CCNY: variants seen among roughly 807,000 people sequenced by gnomAD.
CCNY encodes the protein cyclin Y.
A neutral mutation model predicts 42.8 loss-of-function variants in CCNY; 19 were observed. The observed-to-expected ratio is 0.44, with a 90% confidence interval of 0.31 to 0.65. The LOEUF is 0.65. Among genes scored for constraint, CCNY ranks in the 30% least tolerant of loss-of-function variants. The pLI is 0.07. For synonymous variants in CCNY, 165 were observed against 162.7 expected, an observed-to-expected ratio of 1.01 and a Z score of -0.11; for missense variants, 370 against 437.3, an observed-to-expected ratio of 0.85 and a Z score of 1.37.
At chr10:35,402,486 G>A (rs1837665051) in intron 1 of CCNY, among the ~76,000 whole-genome samples, 1 of 152,088 alleles carries the variant, frequency 6.6e-6, no homozygotes, top group African/African-American at 2.4e-5. Context: ...GATTGATTTA[G>A]GTAAAAACAA....
intron 3 of CCNY, among the ~76,000 whole-genome samples, chr10:35,268,174 C>A (rs1039050071): frequency 1.3e-5 from 2 of 152,068 alleles, no homozygotes; most frequent in Non-Finnish European, 2.9e-5. Flanking sequence ...GGATTACAGG[C>A]GTGAGCCACT....
At chr10:35,273,646 G>T (rs1835200729) in intron 3 of CCNY, among the ~76,000 whole-genome samples, 1 of 152,124 alleles carries the variant, frequency 6.6e-6, no homozygotes, top group African/African-American at 2.4e-5. Flanking sequence ...GCCAATGCAG[G>T]TCATGATAAG....
chr10:35,406,822 C>T (rs892020423), intron 1 of CCNY, among the ~76,000 whole-genome samples: 3 of 152,028 alleles, frequency 2.0e-5, no homozygotes, highest in Non-Finnish European at 2.9e-5. Flanking sequence ...AGAGGCGCCC[C>T]TCACCTCCCG....
chr10:35,352,789 A>C (rs1564378638), intron 1 of CCNY, among the ~76,000 whole-genome samples: 1 of 152,094 alleles, frequency 6.6e-6, no homozygotes, highest in Non-Finnish European at 1.5e-5. Flanking sequence ...TTAGCAAATG[A>C]GCGCTGCCTG....
chr10:35,446,952 G>A (rs1333298716), intron 1 of CCNY, among the ~76,000 whole-genome samples: 1 of 152,180 alleles, frequency 6.6e-6, no homozygotes, highest in Non-Finnish European at 1.5e-5. Flanking sequence ...TACAGATTTT[G>A]GAAAACATAT....
At chr10:35,337,263 A>C (rs1344070896) in intron 1 of CCNY, 56 bp downstream of exon 1, 2 of 1,414,016 alleles carry the variant, frequency 1.4e-6, no homozygotes, top group African/African-American at 3.0e-5. Context: ...TCGCACAGCC[A>C]ACGTCGGGGC....
chr10:35,341,043 A>G (rs1030325641), intron 1 of CCNY, among the ~76,000 whole-genome samples: 1 of 152,182 alleles, frequency 6.6e-6, no homozygotes, highest in African/African-American at 2.4e-5. Context: ...CACAACAGCC[A>G]TGGCTAAGAT....
Position 35,530,178 on chromosome 10 carries a change from T to C in CCNY, c.514T>C (p.Tyr172His). Residue 172 changes from tyrosine (Y) to histidine (H), a missense_variant, in exon 7 of 10, where the codon TAC (tyrosine) becomes CAC (histidine). Physicochemically the swap from Tyr to His is moderately conservative, Grantham distance 83. Around this residue, in one of 2 missense-constraint regions of CCNY, gnomAD observed 234 missense variants for 313.1 expected, o/e 0.75. Coordinates refer to ENST00000374704, the MANE Select transcript of CCNY (RefSeq NM_145012.6). The surrounding 1 kb of genome is among the most constrained non-coding windows in gnomAD (Gnocchi z 4.3). Reference sequence around the variant, plus strand: ...ACACAACCCAGAGCAGAAGCAGATTTACCGGTTCGTTCGGACACTGTTCAG... The same window carrying C: ...ACACAACCCAGAGCAGAAGCAGATTCACCGGTTCGTTCGGACACTGTTCAG... ...DKHNPEQKQI[Y>H]RFVRTLFSAA... is the part of the protein sequence containing the mutation. 1.2e-5 allele frequency: 19 copies of C among 1,614,258 alleles called. No homozygotes were observed. The highest frequency in any genetic ancestry group is 1.5e-5 in the Non-Finnish European group (18 of 1,180,034).
At chr10:35,382,347 T>C (rs1182937607) in intron 1 of CCNY, among the ~76,000 whole-genome samples, 1 of 152,202 alleles carries the variant, frequency 6.6e-6, no homozygotes, top group Non-Finnish European at 1.5e-5. Context: ...AGGCAAGAGC[T>C]CCTGCCGGCT....
chr10:35,371,899 T>A (rs372738502), intron 1 of CCNY, among the ~76,000 whole-genome samples: 1 of 152,204 alleles, frequency 6.6e-6, no homozygotes, highest in African/African-American at 2.4e-5. Context: ...GCAAGTTTCA[T>A]TGCATGAGTG....
intron 1 of CCNY, among the ~76,000 whole-genome samples, chr10:35,453,707 A>G (rs1029595277): frequency 1.3e-5 from 2 of 152,234 alleles, no homozygotes; most frequent in Non-Finnish European, 2.9e-5. Flanking sequence ...AAGAATCTTA[A>G]TCAGTAGGTG....
chr10:35,320,135 A>G (rs1011447985), intron 3 of CCNY, among the ~76,000 whole-genome samples: 2 of 152,182 alleles, frequency 1.3e-5, no homozygotes, highest in African/African-American at 4.8e-5. Flanking sequence ...TTCTCTAGTC[A>G]TTGTCTGAGC....
chr10:35,268,309 T>C (rs1325914830), intron 3 of CCNY, among the ~76,000 whole-genome samples: 1 of 151,964 alleles, frequency 6.6e-6, no homozygotes, highest in Non-Finnish European at 1.5e-5. Context: ...AGGTCAGGAG[T>C]TCGAGAACAG....
chr10:35,325,443 G>A (rs1835868457), intron 3 of CCNY, among the ~76,000 whole-genome samples: 2 of 151,352 alleles, frequency 1.3e-5, no homozygotes, highest in Non-Finnish European at 2.9e-5. Context: ...CTCCCAAAGT[G>A]CTGGGATTGC....
chr10:35,428,318 G>A (rs1052829972), intron 1 of CCNY, among the ~76,000 whole-genome samples: 10 of 152,156 alleles, frequency 6.6e-5, no homozygotes, highest in African/African-American at 1.9e-4. Flanking sequence ...TGAAGACACT[G>A]TGATTGAGCT....
At chr10:35,515,562 C>T (rs188475134) in intron 3 of CCNY, among the ~76,000 whole-genome samples, 94 of 152,240 alleles carry the variant, frequency 6.2e-4, no homozygotes, top group African/African-American at 2.1e-3. Flanking sequence ...GCGGGCAGGT[C>T]AGGCAGAAGA....
intron 3 of CCNY, among the ~76,000 whole-genome samples, chr10:35,278,915 T>A (rs1339245157): frequency 6.6e-6 from 1 of 152,084 alleles, no homozygotes; most frequent in Non-Finnish European, 1.5e-5. Context: ...TCTTTTCTAT[T>A]TCATTAGTTC....
At chr10:35,413,593 A>T (rs1368531337) in intron 1 of CCNY, among the ~76,000 whole-genome samples, 1 of 152,214 alleles carries the variant, frequency 6.6e-6, no homozygotes, top group Non-Finnish European at 1.5e-5. Flanking sequence ...TCTGGGACAT[A>T]CAGTGTAGGA....
chr10:35,529,236 C>T (rs902067394), intron 5 of CCNY, among the ~76,000 whole-genome samples: 3 of 152,132 alleles, frequency 2.0e-5, no homozygotes, highest in African/African-American at 7.2e-5. Flanking sequence ...GAAGTAGTGA[C>T]GTTGCGTGTT....
Sources: allele counts gnomAD v4.1 joint callset (sites outside exome capture counted in the v4.1 genomes callset), GRCh38; gene constraint gnomAD v4.1.1; regional missense constraint gnomAD v4.1.1; non-coding constraint Gnocchi (gnomAD v3.1); transcripts MANE v1.5; gene names NCBI Gene and HGNC (gene_info 2026-07-23, HGNC 2026-07-21).